RALGPS1: variants seen among roughly 807,000 people sequenced by gnomAD.
The protein encoded by RALGPS1 is Ral GEF with PH domain and SH3 binding motif 1, also known as ras-specific guanine nucleotide-releasing factor RalGPS1.
In RALGPS1, 19 loss-of-function variants were observed where a neutral mutation model predicts 78.8. That is an observed-to-expected ratio of 0.24 (90% CI 0.17 to 0.35). The LOEUF is 0.35. Among genes scored for constraint, RALGPS1 ranks in the 10% least tolerant of loss-of-function variants. The probability of loss-of-function intolerance (pLI) is 1.00; values close to 1 mark genes in which losing one functional copy is unlikely to be tolerated. For missense variants in RALGPS1, 454 were observed against 688.3 expected (o/e 0.66, Z 3.81); for synonymous variants, 228 against 256.3 (o/e 0.89, Z 1.06).
chr9:127,073,966 C>T (rs1417355749), intron 8 of RALGPS1, among the ~76,000 whole-genome samples: 1 of 152,194 alleles, frequency 6.6e-6, no homozygotes, highest in Non-Finnish European at 1.5e-5. Context: ...ACTGCAACCT[C>T]TGCCTCCCGG....
chr9:127,098,215 A>C (rs1441696939), intron 8 of RALGPS1, among the ~76,000 whole-genome samples: 1 of 152,210 alleles, frequency 6.6e-6, no homozygotes, highest in African/African-American at 2.4e-5. Context: ...TGAAGAATGG[A>C]AATCTTTTTT....
intron 4 of RALGPS1, among the ~76,000 whole-genome samples, chr9:127,016,109 GCCACCCCA>G (rs1012330502): frequency 2.0e-5 from 3 of 150,834 alleles, no homozygotes; most frequent in African/African-American, 7.3e-5. Context: ...CTCCTTCCCT[GCCACCCCA>G]CTGTTTCCTG....
intron 8 of RALGPS1, among the ~76,000 whole-genome samples, chr9:127,157,212 A>G (rs1455567881): frequency 6.6e-6 from 1 of 152,094 alleles, no homozygotes; most frequent in African/African-American, 2.4e-5. Context: ...CATTTCAGAT[A>G]TGAAATGTGT....
At chr9:127,066,486 C>G (rs2049717102) in intron 7 of RALGPS1, among the ~76,000 whole-genome samples, 1 of 152,090 alleles carries the variant, frequency 6.6e-6, no homozygotes, top group Admixed American at 6.5e-5. Flanking sequence ...ACTAGAAATA[C>G]AAAAATTAGC....
chr9:127,186,827 A>G (rs1192126323), intron 11 of RALGPS1, among the ~76,000 whole-genome samples: 1 of 152,186 alleles, frequency 6.6e-6, no homozygotes, highest in Admixed American at 6.5e-5. Context: ...CGTGTCTCCC[A>G]GGGCCATCCA....
intron 7 of RALGPS1, among the ~76,000 whole-genome samples, chr9:127,055,092 A>G (rs2048625699): frequency 6.6e-6 from 1 of 151,716 alleles, no homozygotes; most frequent in Non-Finnish European, 1.5e-5. Context: ...GACCCATTCA[A>G]AGGTGTGGGC....
chr9:127,141,634 AAAAAAAG>A (rs2057786040), intron 8 of RALGPS1, among the ~76,000 whole-genome samples: 1 of 150,926 alleles, frequency 6.6e-6, no homozygotes, highest in Non-Finnish European at 1.5e-5. Flanking sequence ...AAAAAAAAAA[AAAAAAAG>A]AAAGAAAGAA....
At chr9:127,151,610 T>A (rs530081039) in intron 8 of RALGPS1, among the ~76,000 whole-genome samples, 1 of 152,242 alleles carries the variant, frequency 6.6e-6, no homozygotes, top group African/African-American at 2.4e-5. Flanking sequence ...GGTTTTTTTA[T>A]TTTTTTATTT....
At chr9:127,073,450 G>GTGTGTGTC (rs1554817526) in intron 8 of RALGPS1, among the ~76,000 whole-genome samples, 16 of 110,758 alleles carry the variant, frequency 1.4e-4, no homozygotes, top group African/African-American at 4.8e-4. Context: ...ACACCATTGT[G>GTGTGTGTC]TGTGTGTGTG....
chr9:127,214,628 C>G (rs977605733), intron 17 of RALGPS1, 123 bp from the exon 18 acceptor site: 1 of 1,435,192 alleles, frequency 7.0e-7, no homozygotes, highest in Non-Finnish European at 9.2e-7. Flanking sequence ...TCTGCATGTT[C>G]CAGCTCACCT....
rs1344360696 is a variant in RALGPS1, at chr9:127,222,237, G to T, written c.*3468G>T. 2 of 152,202 alleles carry T rather than the reference G, an allele frequency of 1.3e-5. No homozygotes were observed. The highest frequency in any genetic ancestry group is 2.9e-5 in the Non-Finnish European group (2 of 68,070). The allele number at this position is 152,202 out of a possible 1,614,324, so 9.4% of individuals were successfully genotyped here. A position where few individuals can be genotyped will look rare whatever the true frequency, so the allele number is the denominator to read the frequency against. ...AAGACTTTGCCTCTCTCCTAGTCCTGAGTATAAATCCTGTGCATAGATTCC... is the reference window on the plus strand; with the variant it reads ...AAGACTTTGCCTCTCTCCTAGTCCTTAGTATAAATCCTGTGCATAGATTCC... On this transcript the variant is annotated 3_prime_UTR_variant, in exon 19 of 19. Coordinates refer to ENST00000259351, the MANE Select transcript of RALGPS1 (RefSeq NM_014636.3).
chr9:127,017,875 A>G (rs1301380532), intron 4 of RALGPS1, among the ~76,000 whole-genome samples: 1 of 152,164 alleles, frequency 6.6e-6, no homozygotes, highest in Non-Finnish European at 1.5e-5. Flanking sequence ...TCCCACTGGA[A>G]GGTTTTCAGG....
chr9:126,956,739 TCAGA>T (rs1057348653), intron 1 of RALGPS1, among the ~76,000 whole-genome samples: 62 of 152,198 alleles, frequency 4.1e-4, no homozygotes, highest in African/African-American at 1.5e-3. Context: ...CTGTTCTTTC[TCAGA>T]CACTTAAAGT....
chr9:127,169,955 T>A (rs2059482959), intron 10 of RALGPS1, among the ~76,000 whole-genome samples: 1 of 152,200 alleles, frequency 6.6e-6, no homozygotes, highest in Admixed American at 6.5e-5. Flanking sequence ...TATGATGGGT[T>A]TATTGGGATG....
At chr9:127,026,784 A>G (rs954866892) in intron 4 of RALGPS1, among the ~76,000 whole-genome samples, 8 of 152,226 alleles carry the variant, frequency 5.3e-5, no homozygotes, top group African/African-American at 1.9e-4. Flanking sequence ...GGCCTGGGCA[A>G]GACACAGCAG....
intron 8 of RALGPS1, among the ~76,000 whole-genome samples, chr9:127,092,873 G>T (rs563150311): frequency 6.6e-6 from 1 of 152,190 alleles, no homozygotes; most frequent in Admixed American, 6.5e-5. Context: ...CTCAAGAAGG[G>T]GCATGGCAGA....
chr9:127,095,920 T>C (rs1220606992), intron 8 of RALGPS1, among the ~76,000 whole-genome samples: 1 of 152,220 alleles, frequency 6.6e-6, no homozygotes, highest in African/African-American at 2.4e-5. Flanking sequence ...CATTCCTTGC[T>C]TCCCACTGCC....
intron 8 of RALGPS1, among the ~76,000 whole-genome samples, chr9:127,095,554 G>A (rs755877885): frequency 3.3e-5 from 5 of 152,244 alleles, no homozygotes; most frequent in African/African-American, 9.6e-5. Flanking sequence ...CTGGGCAGCG[G>A]AAGCTCAGGG....
At chr9:127,124,410 G>A (rs2056448278) in intron 8 of RALGPS1, among the ~76,000 whole-genome samples, 2 of 152,196 alleles carry the variant, frequency 1.3e-5, no homozygotes, top group African/African-American at 4.8e-5. Context: ...GATGATCCCA[G>A]CCCTTAGCCA....
Sources: allele counts gnomAD v4.1 joint callset (sites outside exome capture counted in the v4.1 genomes callset), GRCh38; gene constraint gnomAD v4.1.1; transcripts MANE v1.5; gene names NCBI Gene and HGNC (gene_info 2026-07-23, HGNC 2026-07-21).